The following SEC16A variants were observed in gnomAD, a reference collection of about 807,000 sequenced individuals.
The protein encoded by SEC16A is SEC16 homolog A, endoplasmic reticulum export factor, also known as protein transport protein Sec16A.
SEC16A carries 110 observed loss-of-function variants against 221.9 expected under a neutral mutation model. The ratio of observed to expected loss-of-function variants is 0.50; its 90% CI spans 0.42 to 0.58. The LOEUF (loss-of-function observed/expected upper bound fraction) is 0.58. Among genes scored for constraint, SEC16A ranks in the 20% least tolerant of loss-of-function variants. The probability of loss-of-function intolerance (pLI) is 0.00; values close to 1 mark genes in which losing one functional copy is unlikely to be tolerated. For missense variants in SEC16A, 3,165 were observed against 3,097.8 expected (o/e 1.02, Z -0.52); for synonymous variants, 1,393 against 1,257.7 (o/e 1.11, Z -2.28).
chr9:136,476,338 G>A lies in SEC16A; in HGVS notation c.1278C>T (p.Ala426=). 6.2e-7 allele frequency: 1 copy of A among 1,612,770 alleles called. No individual in the cohort carries two copies. Among genetic ancestry groups the A allele is most frequent in the Non-Finnish European group, 8.5e-7 (1 of 1,179,890 alleles). ...THVGAGSLCQ[A]LLPGPSNEAA... is the part of the protein sequence containing the mutation. ...CCTCATTGCTGGGGCCTGGGAGAAG[G>A]GCCTGGCAGAGGCTGCCTGCCCCCA... is the stretch of plus-strand genomic sequence containing the variant. The change falls in exon 3 of 32, where the codon GCC becomes GCT. Residue 426 remains alanine, a synonymous_variant. Transcript: ENST00000684901.
At chr9:136,449,064 G>A (rs1217889229) in intron 23 of SEC16A, among the ~76,000 whole-genome samples, 1 of 152,168 alleles carries the variant, frequency 6.6e-6, no homozygotes, top group African/African-American at 2.4e-5. Flanking sequence ...GAACAGTAAC[G>A]TGCCTTCAGG....
At position 136,476,663 on chromosome 9, in the gene SEC16A, C is replaced by T. The variant is rs201408525; in HGVS notation, c.953G>A (p.Arg318Lys). The stretch of plus-strand genomic sequence containing the variant: ...CTCATTCTTCACTCCTGGATTCTGC[C>T]TGAGCTCTGGGCTTGCCCAGTGATT... Reference protein sequence around the residue: ...IVNHWASPELRQNPGVKNEHR... With the variant: ...IVNHWASPELKQNPGVKNEHR... Residue 318 changes from arginine (R) to lysine (K), a missense_variant, in exon 3 of 32, where the codon AGG becomes AAG. Around this residue, in one of 3 missense-constraint regions of SEC16A, gnomAD observed 2,030 missense variants for 1,923.1 expected, o/e 1.06. Coordinates refer to ENST00000684901, the MANE Select transcript of SEC16A (RefSeq NM_014866.2). 9.3e-5 allele frequency: 146 copies of T among 1,570,572 alleles called. No homozygotes were observed. The highest frequency in any genetic ancestry group is 1.2e-4 in the Non-Finnish European group (140 of 1,156,102).
At chr9:136,445,487 A>G (rs1836841437) in intron 29 of SEC16A, among the ~76,000 whole-genome samples, 158 bp downstream of exon 29, 1 of 152,160 alleles carries the variant, frequency 6.6e-6, no homozygotes, top group Admixed American at 6.5e-5. Context: ...AAACAAGTGC[A>G]ATTTTTTTTC....
chr9:136,460,226 G>C, intron 13 of SEC16A, 103 bp from the exon 14 acceptor site: 1 of 847,414 alleles, frequency 1.2e-6, no homozygotes, highest in Non-Finnish European at 1.9e-6. Flanking sequence ...ACTTTGGGAG[G>C]CCAAAGTGGG....
rs1468583077 is a variant in SEC16A, at chr9:136,466,875, A to G, written c.3929+82T>C. ...ACCCAAACTACCACAGCTCTTTGTTAAAACCCAGACATGAGGGCAGAGAAG... is the reference window on the plus strand; with the variant it reads ...ACCCAAACTACCACAGCTCTTTGTTGAAACCCAGACATGAGGGCAGAGAAG... On this transcript the variant is annotated intron_variant, in intron 6 of 31. Coordinates refer to ENST00000684901, the MANE Select transcript of SEC16A (RefSeq NM_014866.2). This position sits in a 1 kb window ranked among gnomAD's most constrained non-coding sequence, Gnocchi z 5.5. 4 of 1,484,582 alleles carry G rather than the reference A, an allele frequency of 2.7e-6. No individual in the cohort carries two copies. The highest frequency in any genetic ancestry group is 1.4e-5 in the African/African-American group (1 of 71,352). 92.0% of individuals were successfully genotyped at this position (1,484,582 alleles called of 1,614,324 possible). A position where few individuals can be genotyped will look rare whatever the true frequency, so the allele number is the denominator to read the frequency against.
chr9:136,444,954 AGT>A, intron 30 of SEC16A, 96 bp downstream of exon 30: 1 of 919,378 alleles, frequency 1.1e-6, no homozygotes, highest in South Asian at 1.4e-5. Context: ...GGGCGAGGTT[AGT>A]GGCAAAGCGC....
In SEC16A at chr9:136,466,274, T is replaced by TGGGAGCTGA. The variant is rs2132523382; in HGVS notation, c.4109_4117dup (p.Leu1370_Ser1372dup). The TGGGAGCTGA allele has an allele frequency of 6.3e-7, 1 of 1,580,294 alleles. No individual in the cohort carries two copies. The highest frequency in any genetic ancestry group is 1.3e-5 in the African/African-American group (1 of 74,232). Reference sequence around the variant, plus strand: ...GGCGCCGCCGCGTACCTGGTGCGAGTGGGAGCTGAGGCTGCTGCGGCGGCT... The same window carrying TGGGAGCTGA: ...GGCGCCGCCGCGTACCTGGTGCGAGTGGGAGCTGAGGGAGCTGAGGCTGCTGCGGCGGCT... On this transcript the variant is annotated inframe_insertion, in exon 7 of 32. Transcript: ENST00000684901. The surrounding 1 kb of genome is among the most constrained non-coding windows in gnomAD (Gnocchi z 5.5).
At position 136,441,290 on chromosome 9, in the gene SEC16A, T is replaced by G; in HGVS notation, c.*465A>C. The G allele has an allele frequency of 5.4e-6, 1 of 186,060 alleles. No homozygotes were observed. Among genetic ancestry groups the G allele is most frequent in the Non-Finnish European group, 1.2e-5 (1 of 86,608 alleles). The allele number at this position is 186,060 out of a possible 1,614,324, so 11.5% of individuals were successfully genotyped here. A position where few individuals can be genotyped will look rare whatever the true frequency, so the allele number is the denominator to read the frequency against. On this transcript the variant is annotated 3_prime_UTR_variant, in exon 32 of 32. Transcript: ENST00000684901. ...AGATGGTGCAGAGCAGGGGTTGGGG[T>G]CTGCCTCAGTCACCCTCTCTTTGCT...
chr9:136,454,171 G>A lies in SEC16A; in HGVS notation c.6014C>T (p.Pro2005Leu). 6.4e-7 allele frequency: 1 copy of A among 1,558,248 alleles called. No individual in the cohort carries two copies. Among genetic ancestry groups the A allele is most frequent in the South Asian group, 1.2e-5 (1 of 84,530 alleles). ...CCTTTCCTGCAGAGGTGGCACACCA[G>A]GTGGGAGGCCAGGCCCGGAGGGCTC... ...FLEPSGPGLP[P>L]GVPPLQERRH... Residue 2005 changes from proline to leucine, a missense_variant, in exon 21 of 32, where the codon CCT becomes CTT. Physicochemically the swap from Pro to Leu is moderately conservative, Grantham distance 98. Transcript: ENST00000684901.
In SEC16A at chr9:136,476,059, G is replaced by C. The variant is rs758920577; in HGVS notation, c.1557C>G (p.Asp519Glu). 6.2e-7 allele frequency: 1 copy of C among 1,613,556 alleles called. No individual in the cohort carries two copies. The highest frequency in any genetic ancestry group is 1.7e-5 in the Admixed American group (1 of 60,024). The change falls in exon 3 of 32, where the codon GAC becomes GAG. Residue 519 changes from aspartate to glutamate, a missense_variant. Physicochemically the swap from Asp to Glu is conservative, Grantham distance 45 (BLOSUM62 2). Transcript: ENST00000684901. ...TGCTGCTATAGCTGGATGACACGCT[G>C]TCAGGGTGCACTGTATGCAGTGTGG... ...PDATLHTVHP[D>E]SVSSSYSSRS...
chr9:136,482,027 G>A (rs1432526482), intron 1 of SEC16A, among the ~76,000 whole-genome samples: 1 of 152,138 alleles, frequency 6.6e-6, no homozygotes, highest in Non-Finnish European at 1.5e-5. Context: ...CTGCCTCAAA[G>A]AAAACTTTAA....
chr9:136,448,811 G>A (rs144922051), intron 23 of SEC16A: 1 of 713,448 alleles, frequency 1.4e-6, no homozygotes, highest in East Asian at 2.7e-5. Context: ...AGAGACACCA[G>A]GAGGATGGAG....
intron 12 of SEC16A, 46 bp from the exon 13 acceptor site, chr9:136,461,320 C>A: frequency 7.1e-7 from 1 of 1,402,414 alleles, no homozygotes; most frequent in South Asian, 1.2e-5. Flanking sequence ...CGGCGGCGCT[C>A]ACGTGACATG....
intron 1 of SEC16A, among the ~76,000 whole-genome samples, chr9:136,481,598 G>T (rs1376906295): frequency 2.6e-5 from 4 of 152,168 alleles, no homozygotes; most frequent in Non-Finnish European, 5.9e-5. Context: ...TACAGTTCTG[G>T]CTACAGAACT....
At chr9:136,469,482 G>A (rs1840584332) in intron 4 of SEC16A, among the ~76,000 whole-genome samples, 1 of 152,160 alleles carries the variant, frequency 6.6e-6, no homozygotes, top group South Asian at 2.1e-4. Context: ...GGTAAACACA[G>A]TGAGACCCTG....
chr9:136,455,495 G>T, intron 20 of SEC16A, 106 bp downstream of exon 20: 1 of 1,095,632 alleles, frequency 9.1e-7, no homozygotes, highest in Non-Finnish European at 1.3e-6. Flanking sequence ...GCCTCCAACA[G>T]TCCACATCTG....
In SEC16A at chr9:136,462,945, C is replaced by T. The variant is rs781480951; in HGVS notation, c.4835G>A (p.Ser1612Asn). 5.6e-6 allele frequency: 9 copies of T among 1,605,938 alleles called. No individual in the cohort carries two copies. The South Asian group carries it at 9.9e-5, about 18-fold the overall frequency. The change falls in exon 12 of 32, where the codon AGC becomes AAC. Residue 1612 changes from serine to asparagine, a missense_variant. Physicochemically the swap from Ser to Asn is conservative, Grantham distance 46. Around this residue, in one of 3 missense-constraint regions of SEC16A, gnomAD observed 1,088 missense variants for 1,089.6 expected, o/e 1.00. Coordinates refer to ENST00000684901, the MANE Select transcript of SEC16A (RefSeq NM_014866.2). ...FLTGGPAAAA[S>N]SLERETERFR... The stretch of plus-strand genomic sequence containing the variant: ...CCTCTCGGTCTCTCTCTCGAGCGAG[C>T]TGGCGGCAGCCGCCGGACCACCAGT...
At chr9:136,446,444 GTT>G (rs557146300) in intron 28 of SEC16A, among the ~76,000 whole-genome samples, 2,973 of 143,360 alleles carry the variant, frequency 0.021, 45 homozygotes, top group Middle Eastern at 0.053. Flanking sequence ...GGAGTCATTT[GTT>G]TTTTGTTTTT....
In SEC16A at chr9:136,461,232, C is replaced by T. The variant is rs1209856165; in HGVS notation, c.4936G>A (p.Ala1646Thr). The T allele has an allele frequency of 6.2e-7, 1 of 1,609,028 alleles. No homozygotes were observed. Among genetic ancestry groups the T allele is most frequent in the Non-Finnish European group, 8.5e-7 (1 of 1,177,870 alleles). ...SAMKNGLWGH[A>T]LLLASKMDSR... Reference sequence around the variant, plus strand: ...TCCATCTTACTTGCAAGTAGCAGAGCGTGACCCCACAGGCCATTCTTCATT... The same window carrying T: ...TCCATCTTACTTGCAAGTAGCAGAGTGTGACCCCACAGGCCATTCTTCATT... The change falls in exon 13 of 32, where the codon GCT (alanine) becomes ACT (threonine). Residue 1646 changes from alanine to threonine, a missense_variant. By Grantham distance (58) the Ala-to-Thr change is moderately conservative (BLOSUM62 0). This residue lies in a region of SEC16A where 1,088 missense variants were observed against 1,089.6 expected (regional missense o/e 1.00). Transcript: ENST00000684901.
Sources: gnomAD v4.1 joint callset for allele counts (sites outside exome capture counted in the v4.1 genomes callset) on GRCh38, gnomAD v4.1.1 for gene constraint, gnomAD v4.1.1 regional missense constraint, Gnocchi (gnomAD v3.1) non-coding constraint, MANE v1.5 for transcripts, NCBI Gene and HGNC (gene_info 2026-07-23, HGNC 2026-07-21) for gene names.